ADAM12: variants seen among roughly 807,000 people sequenced by gnomAD.
ADAM12 encodes the protein ADAM metallopeptidase domain 12.
A neutral mutation model predicts 106.4 loss-of-function variants in ADAM12; 70 were observed. The ratio of observed to expected loss-of-function variants is 0.66; its 90% CI spans 0.54 to 0.80. The LOEUF (loss-of-function observed/expected upper bound fraction) is 0.80, where lower values mean the gene tolerates loss of function less well. ADAM12 is among the 30% of genes least tolerant of loss of function. The pLI is 0.00. For synonymous variants in ADAM12, 420 were observed against 433.5 expected (o/e 0.97, Z 0.39); for missense variants, 1,010 against 1,171.9 (o/e 0.86, Z 2.02).
At chr10:126,148,695 C>T (rs952980974) in intron 4 of ADAM12, among the ~76,000 whole-genome samples, 11 of 152,152 alleles carry the variant, frequency 7.2e-5, no homozygotes, top group African/African-American at 2.7e-4. Context: ...TGGAGATGAT[C>T]CACAGAGTCA....
At chr10:126,363,592 A>G (rs556315477) in intron 1 of ADAM12, among the ~76,000 whole-genome samples, 2 of 152,292 alleles carry the variant, frequency 1.3e-5, no homozygotes, top group South Asian at 4.1e-4. Context: ...GTGGGTCCCA[A>G]GCAGATGCTT....
chr10:126,239,989 T>A (rs1958491407), intron 3 of ADAM12, among the ~76,000 whole-genome samples: 1 of 152,172 alleles, frequency 6.6e-6, no homozygotes, highest in African/African-American at 2.4e-5. Flanking sequence ...TCCTCCTCCA[T>A]CCTTCCGTGC....
intron 3 of ADAM12, among the ~76,000 whole-genome samples, chr10:126,177,161 T>C (rs1957235362): frequency 6.6e-6 from 1 of 151,708 alleles, no homozygotes; most frequent in African/African-American, 2.4e-5. Context: ...GAGCCTTTTA[T>C]GAAAGGAGAG....
rs148606346 is a variant in ADAM12, at chr10:126,064,699, G to A, written c.1609+107C>T. 703 of 1,211,560 alleles carry A rather than the reference G, an allele frequency of 5.8e-4. 6 individuals carry two copies. The African/African-American group carries it at 9.4e-3, about 16-fold the overall frequency. The allele number at this position is 1,211,560 out of a possible 1,614,324, so 75.1% of individuals were successfully genotyped here. ...GAACACACCGGATGCTGTGTGGACA[G>A]CGCCCGCCAGGAGTGGGGGCTAACC... is the stretch of plus-strand genomic sequence containing the variant. On this transcript the variant is annotated intron_variant, in intron 14 of 22. Coordinates refer to ENST00000448723, the MANE Select transcript of ADAM12 (RefSeq NM_001288973.2). This position sits in a 1 kb window ranked among gnomAD's most constrained non-coding sequence, Gnocchi z 4.4.
intron 14 of ADAM12, among the ~76,000 whole-genome samples, chr10:126,052,410 T>G (rs566963428): frequency 1.4e-4 from 21 of 152,264 alleles, no homozygotes; most frequent in Non-Finnish European, 2.5e-4. Flanking sequence ...CGCAATGCTA[T>G]TCTGATGTCC....
intron 1 of ADAM12, among the ~76,000 whole-genome samples, chr10:126,365,286 A>G (rs1393623334): frequency 6.6e-6 from 1 of 152,198 alleles, no homozygotes; most frequent in African/African-American, 2.4e-5. Flanking sequence ...AGTTTGTTTA[A>G]TAGACTCCTA....
chr10:126,375,803 G>C (rs556434049), intron 1 of ADAM12, among the ~76,000 whole-genome samples: 1 of 150,722 alleles, frequency 6.6e-6, no homozygotes, highest in South Asian at 2.1e-4. Flanking sequence ...TCCCAGGCTG[G>C]AGTGCAGTGC....
At chr10:126,134,103 C>T (rs546577672) in intron 5 of ADAM12, among the ~76,000 whole-genome samples, 4 of 152,310 alleles carry the variant, frequency 2.6e-5, no homozygotes, top group African/African-American at 4.8e-5. Flanking sequence ...GTTTTCTGAA[C>T]GAATGAATAA....
Position 126,064,674 on chromosome 10 carries a change from G to C in ADAM12, c.1609+132C>G. Reference sequence around the variant, plus strand: ...CCCTGGGAGTCAATCACTCCCGACTGAACACACCGGATGCTGTGTGGACAG... The same window carrying C: ...CCCTGGGAGTCAATCACTCCCGACTCAACACACCGGATGCTGTGTGGACAG... On this transcript the variant is annotated intron_variant, in intron 14 of 22. Coordinates refer to ENST00000448723, the MANE Select transcript of ADAM12 (RefSeq NM_001288973.2). The surrounding 1 kb of genome is among the most constrained non-coding windows in gnomAD (Gnocchi z 4.4). 1 of 984,362 alleles carries C rather than the reference G, an allele frequency of 1.0e-6. No individual in the cohort carries two copies. Among genetic ancestry groups the C allele is most frequent in the East Asian group, 2.6e-5 (1 of 38,018 alleles). 61.0% of individuals were successfully genotyped at this position (984,362 alleles called of 1,614,324 possible). A position where few individuals can be genotyped will look rare whatever the true frequency, so the allele number is the denominator to read the frequency against.
At chr10:126,186,599 T>C (rs1957402984) in intron 3 of ADAM12, among the ~76,000 whole-genome samples, 1 of 151,834 alleles carries the variant, frequency 6.6e-6, no homozygotes, top group South Asian at 2.1e-4. Context: ...GGCCATTCTG[T>C]GTGACATTTG....
Position 126,321,883 on chromosome 10 carries a change from G to A in ADAM12, c.186+8529C>T, listed in dbSNP as rs761768751. On this transcript the variant is annotated intron_variant, in intron 2 of 22. Transcript: ENST00000448723. ...CCTTGGCCCAGATGCTAGTCTTCTC[G>A]CTTAACTTTCTACCTGGGGGTCGGG... Among the ~76,000 whole-genome samples the A allele has an allele frequency of 7.7e-5, 10 of 130,420 alleles. 1 individual carries two copies. The highest frequency in any genetic ancestry group is 1.3e-4 in the Non-Finnish European group (8 of 63,326). 85.6% of individuals were successfully genotyped at this position (130,420 alleles called of 152,430 possible). A position where few individuals can be genotyped will look rare whatever the true frequency, so the allele number is the denominator to read the frequency against.
chr10:126,297,046 G>C (rs756011847), intron 2 of ADAM12, among the ~76,000 whole-genome samples: 1 of 152,208 alleles, frequency 6.6e-6, no homozygotes, highest in African/African-American at 2.4e-5. Context: ...GCTGGTAAAA[G>C]TGCAAATTGG....
chr10:126,256,903 A>G (rs4962539), intron 3 of ADAM12, among the ~76,000 whole-genome samples: 42,105 of 127,902 alleles, frequency 0.33, 5,947 homozygotes, highest in Admixed American at 0.42. Flanking sequence ...GCACCTTTGG[A>G]TGGGAATAAT....
rs768825082 is a variant in ADAM12, at chr10:126,109,850, G to A, written c.604-10C>T. 6.8e-6 allele frequency: 11 copies of A among 1,611,414 alleles called. No homozygotes were observed. The African/African-American group carries it at 1.2e-4, about 18-fold the overall frequency. Reference sequence around the variant, plus strand: ...GGGTCTCTCTTTTATGCTGCCAAGAGTAAACATGCACTTAATCTCTCTTAA... The same window carrying A: ...GGGTCTCTCTTTTATGCTGCCAAGAATAAACATGCACTTAATCTCTCTTAA... On this transcript the variant is annotated splice_polypyrimidine_tract_variant and intron_variant, in intron 6 of 22. Coordinates refer to ENST00000448723, the MANE Select transcript of ADAM12 (RefSeq NM_001288973.2).
At chr10:126,357,492 A>G (rs911653929) in intron 1 of ADAM12, among the ~76,000 whole-genome samples, 3 of 152,212 alleles carry the variant, frequency 2.0e-5, no homozygotes, top group Non-Finnish European at 4.4e-5. Flanking sequence ...TTTCTAATAC[A>G]GAACCTGATG....
chr10:126,333,926 C>G (rs1197419464), intron 1 of ADAM12, among the ~76,000 whole-genome samples: 1 of 152,198 alleles, frequency 6.6e-6, no homozygotes, highest in Non-Finnish European at 1.5e-5. Flanking sequence ...AGTGACTGCA[C>G]AATTTGCTGA....
intron 3 of ADAM12, among the ~76,000 whole-genome samples, chr10:126,160,229 TCAC>T (rs1329777225): frequency 2.0e-5 from 3 of 152,300 alleles, no homozygotes; most frequent in African/African-American, 7.2e-5. Flanking sequence ...TTACGTGCGC[TCAC>T]CACAAAAATG....
chr10:126,172,808 G>GT (rs1957142869), intron 3 of ADAM12, among the ~76,000 whole-genome samples: 1 of 152,112 alleles, frequency 6.6e-6, no homozygotes, highest in Non-Finnish European at 1.5e-5. Flanking sequence ...ACATGCACAC[G>GT]TATGTTTACT....
intron 3 of ADAM12, among the ~76,000 whole-genome samples, chr10:126,205,658 T>C (rs189116579): frequency 1.4e-3 from 211 of 152,360 alleles, no homozygotes; most frequent in Non-Finnish European, 2.1e-3. Context: ...TATGCACTCA[T>C]TGCAGTTTCC....
Sources: allele counts gnomAD v4.1 joint callset (sites outside exome capture counted in the v4.1 genomes callset), GRCh38; gene constraint gnomAD v4.1.1; non-coding constraint Gnocchi (gnomAD v3.1); transcripts MANE v1.5; gene names NCBI Gene and HGNC (gene_info 2026-07-23, HGNC 2026-07-21).